ZPBP: variants seen among roughly 807,000 people sequenced by gnomAD.
ZPBP encodes the protein zona pellucida binding protein, also known as zona pellucida-binding protein 1.
ZPBP carries 26 observed loss-of-function variants against 44.8 expected under a neutral mutation model. That is an observed-to-expected ratio of 0.58 (90% CI 0.43 to 0.81). ZPBP has a LOEUF of 0.81. Among genes scored for constraint, ZPBP ranks in the 30% least tolerant of loss-of-function variants. The pLI is 0.00. For missense variants in ZPBP, 409 were observed against 434.0 expected, an observed-to-expected ratio of 0.94 and a Z score of 0.51; for synonymous variants, 174 against 153.2, an observed-to-expected ratio of 1.14 and a Z score of -1.00.
At chr7:49,892,844 T>A (rs1792202550) in intron 2 of ZPBP, among the ~76,000 whole-genome samples, 1 of 152,222 alleles carries the variant, frequency 6.6e-6, no homozygotes, top group African/African-American at 2.4e-5. Flanking sequence ...AGAAAAGACT[T>A]CTATGGTCAA....
chr7:49,860,259 T>A (rs1328942258), intron 2 of ZPBP, among the ~76,000 whole-genome samples: 2 of 152,270 alleles, frequency 1.3e-5, no homozygotes, highest in Non-Finnish European at 2.9e-5. Flanking sequence ...TCCTCATTCC[T>A]GTCTACGTCA....
intron 7 of ZPBP, among the ~76,000 whole-genome samples, chr7:49,979,201 G>A (rs1796665635): frequency 6.6e-6 from 1 of 151,518 alleles, no homozygotes; most frequent in Non-Finnish European, 1.5e-5. Flanking sequence ...TCAAACACAA[G>A]TCTCACCGAG....
intron 6 of ZPBP, among the ~76,000 whole-genome samples, chr7:49,996,681 ATCT>A (rs1797865488): frequency 6.6e-6 from 1 of 152,178 alleles, no homozygotes; most frequent in Non-Finnish European, 1.5e-5. Flanking sequence ...AGGTGACTTG[ATCT>A]TCTGCTTTTA....
At chr7:49,931,631 C>T (rs1398483044) in intron 1 of ZPBP, among the ~76,000 whole-genome samples, 1 of 152,170 alleles carries the variant, frequency 6.6e-6, no homozygotes, top group Non-Finnish European at 1.5e-5. Flanking sequence ...GGAAAATTTG[C>T]AGCCTGACGA....
intron 2 of ZPBP, among the ~76,000 whole-genome samples, chr7:49,854,252 A>C (rs1472805485): frequency 6.6e-6 from 1 of 152,210 alleles, no homozygotes; most frequent in Non-Finnish European, 1.5e-5. Context: ...GCTGGGTCAA[A>C]TGGTATTTCT....
intron 4 of ZPBP, among the ~76,000 whole-genome samples, chr7:50,048,950 CAA>C (rs1430996535): frequency 6.6e-6 from 1 of 151,338 alleles, no homozygotes; most frequent in Non-Finnish European, 1.5e-5. Context: ...TTTACAAAAA[CAA>C]GAGATAGAAG....
chr7:50,051,392 A>C (rs1392473889), intron 4 of ZPBP, among the ~76,000 whole-genome samples: 2 of 152,302 alleles, frequency 1.3e-5, no homozygotes, highest in South Asian at 2.1e-4. Context: ...TCAAAGATCT[A>C]CAACCAGAAA....
intron 7 of ZPBP, chr7:49,940,776 ACAGAG>A (rs1484751778): frequency 1.0e-6 from 1 of 985,182 alleles, no homozygotes; most frequent in Non-Finnish European, 1.2e-6. Flanking sequence ...AACTGAGAGA[ACAGAG>A]CAGACTAAAT....
At chr7:49,944,227 C>T in intron 7 of ZPBP, 1 of 358,768 alleles carries the variant, frequency 2.8e-6, no homozygotes. Context: ...GCACTTTTGC[C>T]ACTGTGCCAG....
At chr7:49,896,948 T>C (rs954688889) in intron 2 of ZPBP, among the ~76,000 whole-genome samples, 1 of 144,674 alleles carries the variant, frequency 6.9e-6, no homozygotes, top group Non-Finnish European at 1.5e-5. Flanking sequence ...GACTGCAGAC[T>C]GCAGTGGCGC....
intron 3 of ZPBP, among the ~76,000 whole-genome samples, chr7:50,060,252 A>T (rs7788998): frequency 0.78 from 118,843 of 151,926 alleles, 46,568 homozygotes; most frequent in East Asian, 0.88. Flanking sequence ...AGCATTTGCC[A>T]TGGGACCTGC....
intron 2 of ZPBP, among the ~76,000 whole-genome samples, chr7:49,855,459 G>C (rs533843407): frequency 2.6e-5 from 4 of 152,294 alleles, no homozygotes; most frequent in Admixed American, 2.6e-4. Context: ...ACTCTCAGCA[G>C]GGAGGAGGAA....
chr7:49,848,742 A>G (rs1446322547), downstream of ZPBP, among the ~76,000 whole-genome samples: 1 of 152,212 alleles, frequency 6.6e-6, no homozygotes, highest in African/African-American at 2.4e-5. Context: ...TTTCTCTCAC[A>G]GGTTAATAAT....
intron 3 of ZPBP, among the ~76,000 whole-genome samples, chr7:50,066,688 C>T (rs1266839008): frequency 2.6e-5 from 4 of 152,208 alleles, no homozygotes; most frequent in Non-Finnish European, 4.4e-5. Flanking sequence ...ATTGTATTCA[C>T]ATTTACTTAT....
intron 2 of ZPBP, among the ~76,000 whole-genome samples, chr7:49,890,863 A>T (rs1339281760): frequency 6.6e-6 from 1 of 152,160 alleles, no homozygotes; most frequent in Non-Finnish European, 1.5e-5. Flanking sequence ...TAAGATTTGT[A>T]TTTAAGGATT....
At chr7:50,090,251 C>T (rs537769025) in intron 1 of ZPBP, among the ~76,000 whole-genome samples, 6 of 152,124 alleles carry the variant, frequency 3.9e-5, no homozygotes, top group Admixed American at 6.5e-5. Context: ...CCCATCCCAC[C>T]GTTTCTCCCA....
At chr7:49,983,216 C>T in intron 7 of ZPBP, 126 bp downstream of exon 7, 2 of 899,870 alleles carry the variant, frequency 2.2e-6, no homozygotes, top group South Asian at 3.3e-5. Flanking sequence ...AAATACACTA[C>T]TTTAAATAAA....
the ZPBP span, among the ~76,000 whole-genome samples, chr7:49,844,292 G>A: frequency 1.3e-5 from 2 of 152,134 alleles, no homozygotes; most frequent in Non-Finnish European, 2.9e-5. Flanking sequence ...AACCTTTAAA[G>A]CAATTTAAAA....
At chr7:49,992,670 G>T (rs1797624538) in intron 6 of ZPBP, among the ~76,000 whole-genome samples, 1 of 152,086 alleles carries the variant, frequency 6.6e-6, no homozygotes, top group Non-Finnish European at 1.5e-5. Context: ...ATTGAGATAT[G>T]ATATAATTTA....
Sources: allele counts gnomAD v4.1 joint callset (sites outside exome capture counted in the v4.1 genomes callset), GRCh38; gene constraint gnomAD v4.1.1; transcripts MANE v1.5; gene names NCBI Gene and HGNC (gene_info 2026-07-23, HGNC 2026-07-21).